TTLL9: variants seen among roughly 807,000 people sequenced by gnomAD.
The protein encoded by TTLL9 is probable tubulin polyglutamylase TTLL9.
Under a neutral mutation model 65.6 loss-of-function variants are expected in TTLL9, and 47 were observed. The observed-to-expected ratio is 0.72, with a 90% CI of 0.57 to 0.91. The LOEUF (loss-of-function observed/expected upper bound fraction) is 0.91, where lower values mean the gene tolerates loss of function less well. Among genes scored for constraint, TTLL9 ranks in the 40% least tolerant of loss-of-function variants. TTLL9 has a pLI of 0.00. For synonymous variants in TTLL9, 179 were observed against 204.8 expected (o/e 0.87, Z 1.07); for missense variants, 537 against 568.8 (o/e 0.94, Z 0.57).
intron 12 of TTLL9, 81 bp from the exon 13 acceptor site, chr20:31,937,315 A>G (rs528117916): frequency 2.5e-4 from 222 of 889,918 alleles, no homozygotes; most frequent in Non-Finnish European, 3.5e-4. Flanking sequence ...GGGTCCATGC[A>G]TCCATCTAGC....
rs2064246892 is a variant in TTLL9, at chr20:31,943,120, C to T, written c.*99C>T. 6 of 1,135,322 alleles carry T rather than the reference C, an allele frequency of 5.3e-6. No homozygotes were observed. The highest frequency in any genetic ancestry group is 7.9e-6 in the Non-Finnish European group (6 of 758,720). The allele number at this position is 1,135,322 out of a possible 1,614,324, so 70.3% of individuals were successfully genotyped here. On this transcript the variant is annotated 3_prime_UTR_variant, in exon 15 of 15. Coordinates refer to ENST00000535842, the MANE Select transcript of TTLL9 (RefSeq NM_001008409.5). ...CAGCACCTCACAGCATTCGCCTCCC[C>T]ACCTCCAGCCTGGCACCAGCTTTGC...
intron 2 of TTLL9, among the ~76,000 whole-genome samples, chr20:31,880,932 C>A (rs368640321): frequency 1.9e-4 from 26 of 140,488 alleles, no homozygotes; most frequent in African/African-American, 7.0e-4. Context: ...TTGGCTCAGT[C>A]GACTTCCTGG....
At chr20:31,919,470 C>A (rs2063782541) in intron 6 of TTLL9, among the ~76,000 whole-genome samples, 2 of 152,120 alleles carry the variant, frequency 1.3e-5, no homozygotes. Context: ...TATGAATTAT[C>A]CATGCTGGGG....
At chr20:31,895,187 AGAG>A (rs2063364855) in intron 3 of TTLL9, among the ~76,000 whole-genome samples, 1 of 152,236 alleles carries the variant, frequency 6.6e-6, no homozygotes, top group Non-Finnish European at 1.5e-5. Flanking sequence ...TCTTGGGGAA[AGAG>A]GAGATTTACG....
chr20:31,898,306 C>T (rs190100630), intron 3 of TTLL9, among the ~76,000 whole-genome samples, 167 bp from the exon 4 acceptor site: 47 of 152,274 alleles, frequency 3.1e-4, no homozygotes, highest in Middle Eastern at 6.8e-3. Flanking sequence ...CTGTAATTCT[C>T]AATCTGATTA....
chr20:31,895,158 A>G (rs1395908095), intron 3 of TTLL9, among the ~76,000 whole-genome samples: 1 of 152,212 alleles, frequency 6.6e-6, no homozygotes, highest in Admixed American at 6.5e-5. Flanking sequence ...TCTGAGAACA[A>G]AGGAAAAGTT....
In TTLL9 at chr20:31,905,674, G is replaced by A. The variant is rs78134154; in HGVS notation, c.207-2917G>A. On this transcript the variant is annotated intron_variant, in intron 4 of 14. Transcript: ENST00000535842. The stretch of plus-strand genomic sequence containing the variant: ...CTGCCTTAAAGCCCCTCTGCACATG[G>A]TGTGACATTCAGGAGAAACACCAAC... Among the ~76,000 whole-genome samples, 270 of 152,200 alleles carry A rather than the reference G, an allele frequency of 1.8e-3. 6 individuals are homozygous for A. In the East Asian group the frequency reaches 0.047, roughly 26 times the overall value.
chr20:31,897,620 G>A (rs189582081), intron 3 of TTLL9, among the ~76,000 whole-genome samples: 1 of 152,298 alleles, frequency 6.6e-6, no homozygotes, highest in Admixed American at 6.5e-5. Flanking sequence ...CTCCACACAT[G>A]GTCTCCACTG....
In TTLL9 at chr20:31,873,469, C is replaced by T. The variant is rs540617292; in HGVS notation, c.69+2274C>T. ...TTGGAGACCAGCCTGGGCAACATGG[C>T]GAAATTTCGTCTCTACAAACAAACA... On this transcript the variant is annotated intron_variant, in intron 2 of 14. Transcript: ENST00000535842. Among the ~76,000 whole-genome samples the T allele has an allele frequency of 1.6e-4, 25 of 151,776 alleles. No individual in the cohort carries two copies. The East Asian group carries it at 1.7e-3, about 11-fold the overall frequency.
chr20:31,883,989 A>C (rs1396002510), intron 2 of TTLL9: 1 of 472,572 alleles, frequency 2.1e-6, no homozygotes, highest in African/African-American at 2.0e-5. Flanking sequence ...TATTGAAAAG[A>C]AAGAAGTAAG....
intron 4 of TTLL9, among the ~76,000 whole-genome samples, chr20:31,901,743 C>T (rs978356596): frequency 3.2e-4 from 49 of 152,244 alleles, no homozygotes; most frequent in Non-Finnish European, 2.9e-5. Context: ...CCTCCTTATC[C>T]TTCAGATCTC....
chr20:31,914,005 C>A (rs964578548), intron 6 of TTLL9, among the ~76,000 whole-genome samples: 4 of 152,178 alleles, frequency 2.6e-5, no homozygotes, highest in African/African-American at 7.2e-5. Flanking sequence ...AGGGACAGGG[C>A]CTATCTATCT....
chr20:31,910,196 C>CT (rs2063625880), intron 6 of TTLL9, among the ~76,000 whole-genome samples: 1 of 152,212 alleles, frequency 6.6e-6, no homozygotes, highest in African/African-American at 2.4e-5. Context: ...ATGCCAAGTG[C>CT]TTTACCTGCG....
At chr20:31,919,984 G>C (rs531749233) in intron 7 of TTLL9, 52 bp downstream of exon 7, 15 of 1,442,936 alleles carry the variant, frequency 1.0e-5, no homozygotes, top group Non-Finnish European at 1.4e-5. Context: ...GACCTTGCCA[G>C]CAGGAGGGGC....
At chr20:31,893,067 G>A (rs747783611) in intron 3 of TTLL9, among the ~76,000 whole-genome samples, 10 of 151,862 alleles carry the variant, frequency 6.6e-5, no homozygotes, top group Non-Finnish European at 1.5e-4. Context: ...CCTGCAGCCC[G>A]AGGAACGTTC....
intron 14 of TTLL9, 53 bp downstream of exon 14, chr20:31,939,319 C>T (rs946021214): frequency 7.6e-5 from 122 of 1,598,996 alleles, no homozygotes; most frequent in Non-Finnish European, 9.3e-5. Flanking sequence ...ATGGGAGGTA[C>T]CAGGTAGTCT....
chr20:31,890,847 G>T (rs1358956341), intron 3 of TTLL9, among the ~76,000 whole-genome samples: 7 of 152,206 alleles, frequency 4.6e-5, no homozygotes, highest in African/African-American at 1.7e-4. Flanking sequence ...TCCACATGCT[G>T]GCTGAGCAGA....
At chr20:31,923,434 C>T (rs993562306) in intron 8 of TTLL9, among the ~76,000 whole-genome samples, 2 of 152,182 alleles carry the variant, frequency 1.3e-5, no homozygotes, top group African/African-American at 4.8e-5. Context: ...GAATACAAAC[C>T]ACAGGACGGT....
At chr20:31,873,682 G>GAA (rs1568721755) in intron 2 of TTLL9, among the ~76,000 whole-genome samples, 11 of 87,312 alleles carry the variant, frequency 1.3e-4, no homozygotes, top group South Asian at 3.3e-4. Context: ...GAAAGAGAGA[G>GAA]AGAGAAAGAA....
Sources: gnomAD v4.1 joint callset for allele counts (sites outside exome capture counted in the v4.1 genomes callset) on GRCh38, gnomAD v4.1.1 for gene constraint, MANE v1.5 for transcripts, NCBI Gene and HGNC (gene_info 2026-07-23, HGNC 2026-07-21) for gene names.